PIEZO2: variants seen among roughly 807,000 people sequenced by gnomAD.
The protein encoded by PIEZO2 is piezo-type mechanosensitive ion channel component 2.
PIEZO2 carries 172 observed loss-of-function variants against 337.3 expected under a neutral mutation model. The observed-to-expected ratio is 0.51, with a 90% CI of 0.45 to 0.58. PIEZO2 has a LOEUF of 0.58. Ranked by LOEUF, PIEZO2 falls within the 20% of genes least tolerant of loss-of-function variation. The pLI is 0.00. For missense variants in PIEZO2, 3,028 were observed against 3,391.3 expected (o/e 0.89, Z 2.66); for synonymous variants, 1,251 against 1,228.5 (o/e 1.02, Z -0.38).
In PIEZO2 at chr18:10,789,342, C is replaced by G. The variant is rs1345933155; in HGVS notation, c.1906G>C (p.Val636Leu). The change falls in exon 15 of 56, where the codon GTG (valine) becomes CTG (leucine). Residue 636 changes from valine to leucine, a missense_variant. Transcript: ENST00000674853. ...EKDEELQDIQVEGEPKEEEEE... is the reference protein window; with the variant it reads ...EKDEELQDIQLEGEPKEEEEE... The stretch of plus-strand genomic sequence containing the variant: ...TCCTCCTCTTTGGGCTCTCCTTCCA[C>G]TTGTATATCTTGAAGTTCCTCATCT... The G allele has an allele frequency of 2.0e-6, 3 of 1,536,494 alleles. No homozygotes were observed. The highest frequency in any genetic ancestry group is 2.6e-6 in the Non-Finnish European group (3 of 1,146,614).
intron 21 of PIEZO2, among the ~76,000 whole-genome samples, chr18:10,769,372 A>G (rs1341953310): frequency 6.6e-6 from 1 of 152,236 alleles, no homozygotes; most frequent in Non-Finnish European, 1.5e-5. Flanking sequence ...AGTTTAGACT[A>G]TGGAGCTCAA....
rs1309285270 is a variant in PIEZO2 at position 11,096,474 on chromosome 18, CCT to C, written c.65-30254_65-30253del. ...CTAAGAGCTCTCGGACAAATGCCTC[CCT>C]GTTTCTGGGTTTTGGTTTCCTCATT... is the stretch of plus-strand genomic sequence containing the variant. On this transcript the variant is annotated intron_variant, in intron 1 of 55. Coordinates refer to ENST00000674853, the MANE Select transcript of PIEZO2 (RefSeq NM_001378183.1). This position sits in a 1 kb window ranked among gnomAD's most constrained non-coding sequence, Gnocchi z 4.6. Among the ~76,000 whole-genome samples the C allele has an allele frequency of 2.0e-5, 3 of 152,158 alleles. No homozygotes were observed. The highest frequency in any genetic ancestry group is 4.4e-5 in the Non-Finnish European group (3 of 68,034).
intron 1 of PIEZO2, among the ~76,000 whole-genome samples, chr18:11,093,531 C>G (rs2039161953): frequency 6.8e-6 from 1 of 146,716 alleles, no homozygotes; most frequent in Admixed American, 6.7e-5. Flanking sequence ...TTTGACGTGT[C>G]GAAAGACGGA....
rs200939919 is a variant in PIEZO2 at position 10,795,323 on chromosome 18, TTTATTTTATTTTATTTTATTTTATTTTA to T, written c.1528-349_1528-322del. On this transcript the variant is annotated intron_variant, in intron 12 of 55. Transcript: ENST00000674853. This position sits in a 1 kb window ranked among gnomAD's most constrained non-coding sequence, Gnocchi z 4.4. ...CAAAATGTGTATTCAAATATTTTAT[TTTATTTTATTTTATTTTATTTTATTTTA>T]TTATTTTATTTTATTTTATTTTATT... Among the ~76,000 whole-genome samples the T allele has an allele frequency of 0.17, 3,680 of 21,618 alleles. 139 individuals are homozygous for T. The highest frequency in any genetic ancestry group is 0.33 in the East Asian group (113 of 340). 14.2% of individuals were successfully genotyped at this position (21,618 alleles called of 152,430 possible). A position where few individuals can be genotyped will look rare whatever the true frequency, so the allele number is the denominator to read the frequency against.
chr18:11,014,254 G>GACA (rs2036005021), intron 2 of PIEZO2, among the ~76,000 whole-genome samples: 6 of 144,586 alleles, frequency 4.1e-5, no homozygotes, highest in Non-Finnish European at 6.1e-5. Context: ...TCACCCTGGT[G>GACA]GGACAGCGAT....
intron 43 of PIEZO2, 95 bp downstream of exon 43, chr18:10,701,894 A>T (rs1268254468): frequency 3.6e-6 from 4 of 1,122,644 alleles, no homozygotes; most frequent in Non-Finnish European, 4.8e-6. Context: ...CAGCCCCATC[A>T]CCAATCCTGA....
chr18:10,930,268 G>T (rs2031999503), intron 3 of PIEZO2, among the ~76,000 whole-genome samples: 1 of 152,138 alleles, frequency 6.6e-6, no homozygotes, highest in Non-Finnish European at 1.5e-5. Context: ...AGCATCTATT[G>T]TCTCTGAAGC....
Position 10,787,229 on chromosome 18 carries a change from T to G in PIEZO2, c.2170-45A>C, listed in dbSNP as rs968644204. On this transcript the variant is annotated intron_variant, in intron 15 of 55. Transcript: ENST00000674853. Reference sequence around the variant, plus strand: ...AAAAAAAAATGAGAAAAAATCACTTTTAGGAAAACTCACAAAAATATTTGG... The same window carrying G: ...AAAAAAAAATGAGAAAAAATCACTTGTAGGAAAACTCACAAAAATATTTGG... The G allele has an allele frequency of 4.1e-6, 6 of 1,472,170 alleles. No individual in the cohort carries two copies. The East Asian group carries it at 1.5e-4, about 36-fold the overall frequency. 91.2% of individuals were successfully genotyped at this position (1,472,170 alleles called of 1,614,324 possible).
chr18:10,949,674 A>G (rs2033197667), intron 3 of PIEZO2, among the ~76,000 whole-genome samples: 1 of 152,260 alleles, frequency 6.6e-6, no homozygotes, highest in African/African-American at 2.4e-5. Context: ...CATTCATACA[A>G]GGCCAGCTTA....
chr18:10,975,506 G>T (rs978261801), intron 3 of PIEZO2, among the ~76,000 whole-genome samples: 30 of 152,070 alleles, frequency 2.0e-4, no homozygotes, highest in African/African-American at 7.0e-4. Flanking sequence ...AGGGAGTGTT[G>T]TTAAGTTTCA....
rs2031979084 is a variant in PIEZO2, at chr18:10,929,938, C to T, written c.287-18710G>A. ...GACAGGAAGGTGGGGTCCAACATGC[C>T]TCATTATACCCTCTTTCCTTTGGAG... On this transcript the variant is annotated intron_variant, in intron 3 of 55. Coordinates refer to ENST00000674853, the MANE Select transcript of PIEZO2 (RefSeq NM_001378183.1). This position sits in a 1 kb window ranked among gnomAD's most constrained non-coding sequence, Gnocchi z 5.6. 6.6e-6 allele frequency among the ~76,000 whole-genome samples: 1 copy of T among 152,144 alleles called. No individual in the cohort carries two copies. Among genetic ancestry groups the T allele is most frequent in the Non-Finnish European group, 1.5e-5 (1 of 68,020 alleles).
chr18:10,749,705 C>A (rs766849889), intron 29 of PIEZO2, among the ~76,000 whole-genome samples: 1 of 152,134 alleles, frequency 6.6e-6, no homozygotes, highest in African/African-American at 2.4e-5. Context: ...TTCCTGAGGA[C>A]AGGAGGAGCC....
chr18:11,008,948 CT>C (rs2035806198), intron 2 of PIEZO2, among the ~76,000 whole-genome samples: 1 of 152,158 alleles, frequency 6.6e-6, no homozygotes, highest in African/African-American at 2.4e-5. Flanking sequence ...AATCTTTCAG[CT>C]GATTAATTCA....
chr18:10,919,523 G>T (rs1461493654), intron 3 of PIEZO2, among the ~76,000 whole-genome samples: 1 of 151,996 alleles, frequency 6.6e-6, no homozygotes, highest in Non-Finnish European at 1.5e-5. Context: ...TTTTGGGTTG[G>T]CCAGTCAGGC....
At chr18:11,030,189 T>C (rs1443527984) in intron 2 of PIEZO2, among the ~76,000 whole-genome samples, 1 of 152,128 alleles carries the variant, frequency 6.6e-6, no homozygotes, top group Non-Finnish European at 1.5e-5. Flanking sequence ...ACAACTAAGG[T>C]GTCAAGTGTT....
At chr18:11,091,316 G>A (rs1319607199) in intron 1 of PIEZO2, among the ~76,000 whole-genome samples, 4 of 150,494 alleles carry the variant, frequency 2.7e-5, no homozygotes, top group East Asian at 2.0e-4. Context: ...CCCGGGAGGC[G>A]GAGGTTGCAG....
chr18:10,848,373 T>C (rs2041429682), intron 7 of PIEZO2, among the ~76,000 whole-genome samples: 1 of 152,232 alleles, frequency 6.6e-6, no homozygotes, highest in South Asian at 2.1e-4. Context: ...CTCATCATGC[T>C]AGAATTTGAG....
In PIEZO2 at chr18:11,038,950, G is replaced by C. The variant is rs59058876; in HGVS notation, c.160+27177C>G. On this transcript the variant is annotated intron_variant, in intron 2 of 55. Coordinates refer to ENST00000674853, the MANE Select transcript of PIEZO2 (RefSeq NM_001378183.1). The surrounding 1 kb of genome is among the most constrained non-coding windows in gnomAD (Gnocchi z 4.1). ...ACCACTGTAGCTTTGACTAGACATA[G>C]GTGGATAGGTGTTTGATATATCCTT... 1.8e-3 allele frequency among the ~76,000 whole-genome samples: 277 copies of C among 152,278 alleles called. 4 individuals are homozygous for C. The East Asian group carries it at 0.035, about 19-fold the overall frequency.
Position 10,670,775 on chromosome 18 carries a change from C to T in PIEZO2, c.*752G>A, listed in dbSNP as rs1397987037. On this transcript the variant is annotated 3_prime_UTR_variant, in exon 56 of 56. Transcript: ENST00000674853. ...TGTTTGCACAGGAGACCGCAGCCCT[C>T]CAGAATGGTTCCCCTCATTGAAGCT... 1 of 152,476 alleles carries T rather than the reference C, an allele frequency of 6.6e-6. No individual in the cohort carries two copies. Among genetic ancestry groups the T allele is most frequent in the Non-Finnish European group, 1.5e-5 (1 of 68,034 alleles). 9.4% of individuals were successfully genotyped at this position (152,476 alleles called of 1,614,324 possible). A position where few individuals can be genotyped will look rare whatever the true frequency, so the allele number is the denominator to read the frequency against.
Sources: allele counts gnomAD v4.1 joint callset (sites outside exome capture counted in the v4.1 genomes callset), GRCh38; gene constraint gnomAD v4.1.1; non-coding constraint Gnocchi (gnomAD v3.1); transcripts MANE v1.5; gene names NCBI Gene and HGNC (gene_info 2026-07-23, HGNC 2026-07-21).